Variants in FARP1 observed in about 807,000 individuals in gnomAD.
The protein encoded by FARP1 is FERM, ARHGEF and pleckstrin domain-containing protein 1.
FARP1 carries 52 observed loss-of-function variants against 128.8 expected under a neutral mutation model. The observed-to-expected ratio is 0.40, with a 90% CI of 0.32 to 0.51. The LOEUF (loss-of-function observed/expected upper bound fraction) is 0.51, where lower values mean the gene tolerates loss of function less well. Among genes scored for constraint, FARP1 ranks in the 20% least tolerant of loss-of-function variants. The pLI, the probability that FARP1 is intolerant of heterozygous loss-of-function variation, is 0.45. For missense variants in FARP1, 1,333 were observed against 1,367.9 expected, an observed-to-expected ratio of 0.97 and a Z score of 0.40; for synonymous variants, 580 against 551.8, an observed-to-expected ratio of 1.05 and a Z score of -0.72.
At chr13:98,225,223 G>A (rs746254040) in intron 2 of FARP1, among the ~76,000 whole-genome samples, 6 of 152,278 alleles carry the variant, frequency 3.9e-5, no homozygotes, top group African/African-American at 9.6e-5. Flanking sequence ...TAAACGGGAC[G>A]TCTGGTTTCG....
intron 12 of FARP1, among the ~76,000 whole-genome samples, chr13:98,394,660 T>C (rs1890444818): frequency 6.6e-6 from 1 of 152,054 alleles, no homozygotes; most frequent in Admixed American, 6.6e-5. Context: ...ATTAGCCGGG[T>C]GTGGTGGCAC....
chr13:98,448,253 G>A lies in FARP1; in HGVS notation c.3074G>A (p.Arg1025His), dbSNP rs761568994. 9.9e-6 allele frequency: 16 copies of A among 1,613,812 alleles called. No homozygotes were observed. The highest frequency in any genetic ancestry group is 1.6e-4 in the Middle Eastern group (1 of 6,064). The change falls in exon 27 of 27, where the codon CGC (arginine) becomes CAC (histidine). Residue 1025 changes from arginine (R) to histidine (H), a missense_variant. By Grantham distance (29) the Arg-to-His change is conservative. Transcript: ENST00000319562. ...TGTTGCAGGTGGATGGAAGTGATCC[G>A]CAGTGCCACCAGCTCTGCCTCGCGA... The part of the protein sequence containing the change: ...YTFERWMEVI[R>H]SATSSASRPH...
intron 2 of FARP1, chr13:98,234,497 A>G (rs1882309617): frequency 1.3e-5 from 2 of 152,336 alleles, no homozygotes; most frequent in East Asian, 3.9e-4. Context: ...CAGCTTCATT[A>G]AATACTTGTC....
rs1211978253 is a variant in FARP1, at chr13:98,450,099, C to T, written c.*1782C>T. On this transcript the variant is annotated 3_prime_UTR_variant, in exon 27 of 27. Transcript: ENST00000319562. The stretch of plus-strand genomic sequence containing the variant: ...GGTGGTTCTGACCTGTGACCAGCAC[C>T]TCTGCTTCCTGTGTGCCCTCAAGAA... The T allele has an allele frequency of 6.6e-6, 1 of 152,236 alleles. No homozygotes were observed. The highest frequency in any genetic ancestry group is 1.9e-4 in the East Asian group (1 of 5,194). The allele number at this position is 152,236 out of a possible 1,614,324, so 9.4% of individuals were successfully genotyped here. A position where few individuals can be genotyped will look rare whatever the true frequency, so the allele number is the denominator to read the frequency against.
At chr13:98,290,229 A>G (rs1885387683) in intron 2 of FARP1, among the ~76,000 whole-genome samples, 1 of 152,090 alleles carries the variant, frequency 6.6e-6, no homozygotes. Context: ...GCCAGGTGGT[A>G]CTAAGTACTA....
At chr13:98,434,561 G>A (rs1892179324) in intron 18 of FARP1, 1 of 152,250 alleles carries the variant, frequency 6.6e-6, no homozygotes, top group South Asian at 2.1e-4. Context: ...AACTACCCAA[G>A]TGCTCAGCCG....
chr13:98,446,395 C>T (rs1277613019), intron 25 of FARP1, 190 bp downstream of exon 25: 3 of 602,248 alleles, frequency 5.0e-6, no homozygotes, highest in African/African-American at 1.9e-5. Context: ...TTATCATCCA[C>T]TGAAGGACAA....
intron 2 of FARP1, among the ~76,000 whole-genome samples, chr13:98,320,756 C>CA (rs1886955065): frequency 6.6e-6 from 1 of 152,088 alleles, no homozygotes; most frequent in South Asian, 2.1e-4. Flanking sequence ...TCTTCTTTTC[C>CA]AAAAAGCCTC....
At chr13:98,230,478 A>G (rs529408151) in intron 2 of FARP1, among the ~76,000 whole-genome samples, 14 of 152,304 alleles carry the variant, frequency 9.2e-5, no homozygotes, top group African/African-American at 2.2e-4. Context: ...TATGTTCTCA[A>G]TTAAGAACCT....
chr13:98,393,672 G>A lies in FARP1; in HGVS notation c.1118G>A (p.Ser373Asn). 1 of 1,614,132 alleles carries A rather than the reference G, an allele frequency of 6.2e-7. No homozygotes were observed. ...RKHSKIHSIR[S>N]LASQPTELNS... Reference sequence around the variant, plus strand: ...CACAGCAAGATTCATTCTATCCGGAGCCTTGCTTCACAGCCTACAGAACTG... The same window carrying A: ...CACAGCAAGATTCATTCTATCCGGAACCTTGCTTCACAGCCTACAGAACTG... Residue 373 changes from serine (S) to asparagine (N), a missense_variant, in exon 12 of 27, where the codon AGC (serine) becomes AAC (asparagine). Ser to Asn is a conservative substitution (Grantham distance 46). This residue lies in a region of FARP1 where 1,009 missense variants were observed against 969.8 expected (regional missense o/e 1.04). Coordinates refer to ENST00000319562, the MANE Select transcript of FARP1 (RefSeq NM_005766.4).
chr13:98,239,967 T>C (rs1882668475), intron 2 of FARP1, among the ~76,000 whole-genome samples: 4 of 152,162 alleles, frequency 2.6e-5, no homozygotes, highest in Admixed American at 2.6e-4. Context: ...GCTACCTCTC[T>C]TCTCCAGAGA....
intron 5 of FARP1, among the ~76,000 whole-genome samples, chr13:98,373,795 T>G (rs1245698258): frequency 1.3e-5 from 2 of 152,192 alleles, no homozygotes; most frequent in Non-Finnish European, 2.9e-5. Flanking sequence ...CTGCCAACTT[T>G]TATTGAATAT....
rs756944708 is a variant in FARP1 at position 98,440,275 on chromosome 13, G to A, written c.2629+40G>A. ...GGCAGCTTTCCCATGCAGGGGTCTG[G>A]TTCATGGAGGGACAGCATTTCTGCA... On this transcript the variant is annotated intron_variant, in intron 23 of 26. Transcript: ENST00000319562. 6 of 1,425,562 alleles carry A rather than the reference G, an allele frequency of 4.2e-6. No individual in the cohort carries two copies. In the South Asian group the frequency reaches 5.7e-5, roughly 14 times the overall value. The allele number at this position is 1,425,562 out of a possible 1,614,324, so 88.3% of individuals were successfully genotyped here.
chr13:98,424,215 A>G (rs1891694808), intron 16 of FARP1, among the ~76,000 whole-genome samples: 1 of 152,226 alleles, frequency 6.6e-6, no homozygotes, highest in South Asian at 2.1e-4. Flanking sequence ...CTTATTGCAA[A>G]TGATCTCTGT....
chr13:98,368,168 A>G lies in FARP1; in HGVS notation c.371A>G (p.His124Arg), dbSNP rs1889179726. 6.2e-7 allele frequency: 1 copy of G among 1,613,956 alleles called. No individual in the cohort carries two copies. The highest frequency in any genetic ancestry group is 1.3e-5 in the African/African-American group (1 of 75,020). Residue 124 changes from histidine (H) to arginine (R), a missense_variant, in exon 5 of 27, where the codon CAC becomes CGC. Transcript: ENST00000319562. The part of the protein sequence containing the change: ...KFVVKFFPPD[H>R]TQLQEELTRY... ...GTGGTGAAATTCTTTCCGCCTGACC[A>G]CACACAACTCCAAGAAGAACTCACA... is the stretch of plus-strand genomic sequence containing the variant.
At chr13:98,246,415 A>G (rs1883070385) in intron 2 of FARP1, among the ~76,000 whole-genome samples, 1 of 152,168 alleles carries the variant, frequency 6.6e-6, no homozygotes, top group South Asian at 2.1e-4. Context: ...CTTAATTCTC[A>G]TCTGTAGATC....
At chr13:98,352,912 A>G (rs1463120534) in intron 3 of FARP1, among the ~76,000 whole-genome samples, 3 of 152,174 alleles carry the variant, frequency 2.0e-5, no homozygotes, top group Middle Eastern at 3.2e-3. Flanking sequence ...CCTGCCCTCT[A>G]CAAGTAACCT....
At chr13:98,327,015 G>A (rs765704839) in intron 2 of FARP1, among the ~76,000 whole-genome samples, 26 of 152,224 alleles carry the variant, frequency 1.7e-4, no homozygotes, top group Non-Finnish European at 3.4e-4. Context: ...GCAATTGGTA[G>A]AATACTGTCG....
At chr13:98,269,676 T>G (rs2139574938) in intron 2 of FARP1, among the ~76,000 whole-genome samples, 1 of 152,370 alleles carries the variant, frequency 6.6e-6, no homozygotes, top group South Asian at 2.1e-4. Context: ...CCTTGTTGTT[T>G]GTCAAGGAAG....
Sources: gnomAD v4.1 joint callset for allele counts (sites outside exome capture counted in the v4.1 genomes callset) on GRCh38, gnomAD v4.1.1 for gene constraint, gnomAD v4.1.1 regional missense constraint, MANE v1.5 for transcripts, NCBI Gene and HGNC (gene_info 2026-07-23, HGNC 2026-07-21) for gene names.